Variants in AKAIN1 observed in about 807,000 individuals in gnomAD.
AKAIN1 encodes A-kinase anchor inhibitor 1, also known as A-kinase anchor protein inhibitor 1.
A neutral mutation model predicts 3.7 loss-of-function variants in AKAIN1; 3 were observed. That is an observed-to-expected ratio of 0.82 (90% CI 0.37 to 2.12). AKAIN1 has a LOEUF of 2.12. Among genes scored for constraint, AKAIN1 ranks in the 30% most tolerant of loss-of-function variants. The probability of loss-of-function intolerance (pLI) is 0.06; values close to 1 mark genes in which losing one functional copy is unlikely to be tolerated. For synonymous variants in AKAIN1, 31 were observed against 30.8 expected (o/e 1.01, Z -0.02); for missense variants, 82 against 82.7 (o/e 0.99, Z 0.03).
In AKAIN1 at chr18:5,179,004, A is replaced by G. The variant is rs1055816779; in HGVS notation, c.16+18034T>C. ...TATTTAATAAAAGTCAACCTCAGCT[A>G]TGGTTAGAGAAACTAAGGAGAAAAC... is the stretch of plus-strand genomic sequence containing the variant. On this transcript the variant is annotated intron_variant, in intron 1 of 1. Coordinates refer to ENST00000434239, the MANE Select transcript of AKAIN1 (RefSeq NM_001145194.2). Among the ~76,000 whole-genome samples, 7 of 152,172 alleles carry G rather than the reference A, an allele frequency of 4.6e-5. 1 individual carries two copies. The highest frequency in any genetic ancestry group is 3.9e-4 in the Admixed American group (6 of 15,268).
At chr18:5,178,556 A>G (rs1567877553) in intron 1 of AKAIN1, among the ~76,000 whole-genome samples, 1 of 152,132 alleles carries the variant, frequency 6.6e-6, no homozygotes, top group Non-Finnish European at 1.5e-5. Flanking sequence ...CTATGAGATA[A>G]AAAGAAAGAT....
At chr18:5,151,617 ACTGT>A (rs1228023362) in intron 1 of AKAIN1, among the ~76,000 whole-genome samples, 3 of 152,210 alleles carry the variant, frequency 2.0e-5, no homozygotes, top group African/African-American at 7.2e-5. Flanking sequence ...TTTGAGTGAT[ACTGT>A]CTATTACCAC....
At chr18:5,147,363 G>A (rs1409533316) in intron 1 of AKAIN1, among the ~76,000 whole-genome samples, 2 of 152,234 alleles carry the variant, frequency 1.3e-5, no homozygotes, top group South Asian at 2.1e-4. Flanking sequence ...GATGTAATAC[G>A]AACTCATGCA....
intron 1 of AKAIN1, among the ~76,000 whole-genome samples, chr18:5,147,985 G>A (rs1318205419): frequency 2.6e-5 from 4 of 152,198 alleles, no homozygotes; most frequent in African/African-American, 7.2e-5. Flanking sequence ...GCAATCTTGG[G>A]TAAGGTACTT....
At chr18:5,169,841 A>C (rs1342054157) in intron 1 of AKAIN1, among the ~76,000 whole-genome samples, 1 of 152,132 alleles carries the variant, frequency 6.6e-6, no homozygotes, top group Non-Finnish European at 1.5e-5. Flanking sequence ...GAACAAAATG[A>C]TTTTTATCTC....
chr18:5,181,190 G>A (rs1456928277), intron 1 of AKAIN1, among the ~76,000 whole-genome samples: 3 of 152,102 alleles, frequency 2.0e-5, no homozygotes, highest in Non-Finnish European at 4.4e-5. Context: ...TACTCAGGAG[G>A]CTGAAGTAAG....
chr18:5,164,000 C>T (rs906410293), intron 1 of AKAIN1, among the ~76,000 whole-genome samples: 12 of 151,816 alleles, frequency 7.9e-5, no homozygotes, highest in South Asian at 2.1e-4. Flanking sequence ...AGAAAACTGG[C>T]GGAAGGGTGT....
At chr18:5,188,519 C>G (rs1306051038) in intron 1 of AKAIN1, among the ~76,000 whole-genome samples, 1 of 152,052 alleles carries the variant, frequency 6.6e-6, no homozygotes, top group Admixed American at 6.6e-5. Context: ...CCATCCTTCC[C>G]CCTGAGCCCC....
intron 1 of AKAIN1, among the ~76,000 whole-genome samples, chr18:5,174,988 G>C (rs951765119): frequency 3.9e-5 from 6 of 152,132 alleles, no homozygotes; most frequent in Non-Finnish European, 8.8e-5. Flanking sequence ...CAGTAGCCAG[G>C]GCCAGCTTCA....
intron 1 of AKAIN1, among the ~76,000 whole-genome samples, chr18:5,196,411 A>C (rs1162142276): frequency 6.6e-6 from 1 of 152,240 alleles, no homozygotes; most frequent in Non-Finnish European, 1.5e-5. Context: ...AGAGCAGCAA[A>C]GGGACCAAGG....
chr18:5,169,214 C>T (rs2071184113), intron 1 of AKAIN1, among the ~76,000 whole-genome samples: 2 of 152,086 alleles, frequency 1.3e-5, no homozygotes, highest in Non-Finnish European at 2.9e-5. Context: ...CAGCCTTCAA[C>T]TGGTTGGATA....
At chr18:5,187,536 G>C (rs1376433261) in intron 1 of AKAIN1, among the ~76,000 whole-genome samples, 1 of 152,110 alleles carries the variant, frequency 6.6e-6, no homozygotes, top group Admixed American at 6.6e-5. Context: ...GAGAGAAATG[G>C]AGCCAAACTT....
intron 1 of AKAIN1, among the ~76,000 whole-genome samples, chr18:5,185,978 C>G (rs58964181): frequency 0.031 from 4,740 of 152,154 alleles, 237 homozygotes; most frequent in African/African-American, 0.11. Flanking sequence ...TATATATACA[C>G]CATGGAATAC....
chr18:5,151,215 C>G (rs2071078178), intron 1 of AKAIN1, among the ~76,000 whole-genome samples: 1 of 152,102 alleles, frequency 6.6e-6, no homozygotes, highest in Non-Finnish European at 1.5e-5. Flanking sequence ...CTTGAGACTG[C>G]AAAGATAGTA....
chr18:5,187,520 G>A (rs1391415891), intron 1 of AKAIN1, among the ~76,000 whole-genome samples: 1 of 152,094 alleles, frequency 6.6e-6, no homozygotes, highest in Non-Finnish European at 1.5e-5. Flanking sequence ...GCACATATAT[G>A]AAACAGAGAG....
intron 1 of AKAIN1, among the ~76,000 whole-genome samples, chr18:5,146,756 ACTACT>A (rs1365430884): frequency 1.3e-5 from 2 of 152,214 alleles, no homozygotes; most frequent in Non-Finnish European, 2.9e-5. Flanking sequence ...TTCTGGAACA[ACTACT>A]CAACTCTGCT....
At chr18:5,175,228 T>C (rs1390499582) in intron 1 of AKAIN1, among the ~76,000 whole-genome samples, 1 of 152,112 alleles carries the variant, frequency 6.6e-6, no homozygotes, top group Non-Finnish European at 1.5e-5. Flanking sequence ...GCCTTAGCAA[T>C]GCCCCACAAG....
In AKAIN1 at chr18:5,144,074, T is replaced by G. The variant is rs2071035608; in HGVS notation, c.*1488A>C. On this transcript the variant is annotated 3_prime_UTR_variant, in exon 2 of 2. Transcript: ENST00000434239. Reference sequence around the variant, plus strand: ...GAAATACTTGTGAGTAAACAATCTTTAAATTTTAAGCCCTTCTGCTTCCTT... The same window carrying G: ...GAAATACTTGTGAGTAAACAATCTTGAAATTTTAAGCCCTTCTGCTTCCTT... 1.3e-5 allele frequency among the ~76,000 whole-genome samples: 2 copies of G among 152,224 alleles called. No homozygotes were observed. The highest frequency in any genetic ancestry group is 4.8e-5 in the African/African-American group (2 of 41,460).
At chr18:5,193,084 TAA>T (rs1176881305) in intron 1 of AKAIN1, among the ~76,000 whole-genome samples, 2 of 152,216 alleles carry the variant, frequency 1.3e-5, no homozygotes, top group African/African-American at 4.8e-5. Context: ...AGGAATTTGT[TAA>T]GAGGTTTATA....
Sources: gnomAD v4.1 joint callset for allele counts (sites outside exome capture counted in the v4.1 genomes callset) on GRCh38, gnomAD v4.1.1 for gene constraint, MANE v1.5 for transcripts, NCBI Gene and HGNC (gene_info 2026-07-23, HGNC 2026-07-21) for gene names.